The following CRYZ variants were observed in gnomAD, a reference collection of about 807,000 sequenced individuals.
The protein encoded by CRYZ is zeta-crystallin.
A neutral mutation model predicts 34.1 loss-of-function variants in CRYZ; 35 were observed. The observed-to-expected ratio is 1.03, with a 90% CI of 0.78 to 1.36. The LOEUF (loss-of-function observed/expected upper bound fraction) is 1.36, where lower values mean the gene tolerates loss of function less well. Ranked by LOEUF, CRYZ falls within the 40% of genes most tolerant of loss-of-function variation. The probability of loss-of-function intolerance (pLI) is 0.00; values close to 1 mark genes in which losing one functional copy is unlikely to be tolerated. For missense variants in CRYZ, 403 were observed against 391.8 expected, an observed-to-expected ratio of 1.03 and a Z score of -0.24; for synonymous variants, 137 against 136.5, an observed-to-expected ratio of 1.00 and a Z score of -0.03.
At chr1:74,730,264 T>C (rs1429731933) in intron 1 of CRYZ, 2 of 152,208 alleles carry the variant, frequency 1.3e-5, no homozygotes, top group African/African-American at 4.8e-5. Context: ...TTGAAAGTGA[T>C]GGGGCATGGC....
chr1:74,717,729 G>T (rs1647096947), intron 4 of CRYZ, among the ~76,000 whole-genome samples: 1 of 152,116 alleles, frequency 6.6e-6, no homozygotes, highest in African/African-American at 2.4e-5. Flanking sequence ...ATTGACCCAG[G>T]CTGTTCTGTC....
At chr1:74,724,563 T>C in intron 2 of CRYZ, 148 bp downstream of exon 2, 1 of 516,504 alleles carries the variant, frequency 1.9e-6, no homozygotes, top group Non-Finnish European at 3.4e-6. Context: ...ATGTTAACTT[T>C]ATCAATGTCC....
intron 1 of CRYZ, among the ~76,000 whole-genome samples, chr1:74,730,087 A>G (rs924916792): frequency 2.6e-5 from 4 of 152,162 alleles, no homozygotes; most frequent in Non-Finnish European, 5.9e-5. Flanking sequence ...AACTGTTGTA[A>G]TAATAAAAGT....
At chr1:74,730,937 G>T (rs1171990100) in intron 1 of CRYZ, among the ~76,000 whole-genome samples, 1 of 152,146 alleles carries the variant, frequency 6.6e-6, no homozygotes, top group African/African-American at 2.4e-5. Context: ...GTCAGGGAAT[G>T]CAGCAGAAAT....
chr1:74,707,014 T>C lies in CRYZ; in HGVS notation c.733-20A>G. On this transcript the variant is annotated intron_variant, in intron 7 of 8. Coordinates refer to ENST00000340866, the MANE Select transcript of CRYZ (RefSeq NM_001889.4). The stretch of plus-strand genomic sequence containing the variant: ...AACAACCTAACATGAAAAACAGCAA[T>C]TCTACAGTTAAAGATTACTGTAAAA... The C allele has an allele frequency of 2.5e-6, 4 of 1,605,668 alleles. No homozygotes were observed. Among genetic ancestry groups the C allele is most frequent in the Non-Finnish European group, 3.4e-6 (4 of 1,173,706 alleles).
chr1:74,706,903 G>C lies in CRYZ; in HGVS notation c.824C>G (p.Thr275Ser). The C allele has an allele frequency of 6.2e-7, 1 of 1,610,702 alleles. No homozygotes were observed. Among genetic ancestry groups the C allele is most frequent in the Non-Finnish European group, 8.5e-7 (1 of 1,177,598 alleles). Residue 275 changes from threonine (T) to serine (S), a missense_variant, in exon 8 of 9, where the codon ACC becomes AGC. By Grantham distance (58) the Thr-to-Ser change is moderately conservative (BLOSUM62 1). Transcript: ENST00000340866. ...SIIGVTLFSSTKEEFQQYAAA... is the reference protein window; with the variant it reads ...SIIGVTLFSSSKEEFQQYAAA... The stretch of plus-strand genomic sequence containing the variant: ...CAGAAGTACTTCTTTTCCTACCTTG[G>C]TTGAGGAAAAGAGAGTAACTCCAAT...
rs746997974 is a variant in CRYZ at position 74,707,183 on chromosome 1, T to C, written c.652A>G (p.Ile218Val). Reference sequence around the variant, plus strand: ...GCTAACATTTCAATAATTATATCAATTCCTTTCTCACCAACATACTTCTAT... The same window carrying C: ...GCTAACATTTCAATAATTATATCAACTCCTTTCTCACCAACATACTTCTAT... ...KIKKYVGEKG[I>V]DIIIEMLANV... Residue 218 changes from isoleucine to valine, a missense_variant, in exon 7 of 9, where the codon ATT (isoleucine) becomes GTT (valine). Ile to Val is a conservative substitution (Grantham distance 29, BLOSUM62 3). Coordinates refer to ENST00000340866, the MANE Select transcript of CRYZ (RefSeq NM_001889.4). 6.4e-7 allele frequency: 1 copy of C among 1,561,686 alleles called. No individual in the cohort carries two copies. The highest frequency in any genetic ancestry group is 8.7e-7 in the Non-Finnish European group (1 of 1,144,298).
In CRYZ at chr1:74,708,985, G is replaced by T. The variant is rs559888903; in HGVS notation, c.630+1113C>A. Among the ~76,000 whole-genome samples, 8 of 152,156 alleles carry T rather than the reference G, an allele frequency of 5.3e-5. No individual in the cohort carries two copies. The South Asian group carries it at 1.7e-3, about 32-fold the overall frequency. On this transcript the variant is annotated intron_variant, in intron 6 of 8. Transcript: ENST00000340866. ...TGAAAAATCAAACAAGATGAAGACT[G>T]AAAGAAGACCAGCAGACTGTTAATT...
chr1:74,706,457 C>T lies in CRYZ; in HGVS notation c.829G>A (p.Glu277Lys). Residue 277 changes from glutamate (E) to lysine (K), a missense_variant and splice_region_variant, in exon 9 of 9, where the codon GAG (glutamate) becomes AAG (lysine). Glu to Lys is a moderately conservative substitution (Grantham distance 56). Transcript: ENST00000340866. ...GCTGCTGCATATTGCTGAAATTCCT[C>T]CTAAGAAAAGGAAAAACAAATTTCT... ...IGVTLFSSTK[E>K]EFQQYAAALQ... 1 of 1,587,508 alleles carries T rather than the reference C, an allele frequency of 6.3e-7. No individual in the cohort carries two copies. Among genetic ancestry groups the T allele is most frequent in the Non-Finnish European group, 8.5e-7 (1 of 1,172,440 alleles).
At position 74,722,645 on chromosome 1, in the gene CRYZ, C is replaced by T. The variant is rs377227986; in HGVS notation, c.264+473G>A. The stretch of plus-strand genomic sequence containing the variant: ...GTATATATATATATCCTGAGCATAA[C>T]ATTTTCACTGAGTCAGGGCTCCAAA... On this transcript the variant is annotated intron_variant, in intron 3 of 8. Transcript: ENST00000340866. Among the ~76,000 whole-genome samples the T allele has an allele frequency of 7.1e-4, 107 of 151,754 alleles. 3 individuals are homozygous for T. The South Asian group carries it at 0.021, about 29-fold the overall frequency.
Position 74,721,661 on chromosome 1 carries a change from G to C in CRYZ, c.264+1457C>G, listed in dbSNP as rs549729424. ...TGGCAGTGGAAATGGAAAGGAGAGAGAAAACAGTTCTAGTAAGGGAAAGCG... is the reference window on the plus strand; with the variant it reads ...TGGCAGTGGAAATGGAAAGGAGAGACAAAACAGTTCTAGTAAGGGAAAGCG... On this transcript the variant is annotated intron_variant, in intron 3 of 8. Transcript: ENST00000340866. 2.9e-4 allele frequency among the ~76,000 whole-genome samples: 44 copies of C among 152,286 alleles called. No homozygotes were observed. The South Asian group carries it at 4.6e-3, about 16-fold the overall frequency.
chr1:74,707,252 G>A (rs1284831817), intron 6 of CRYZ, 48 bp from the exon 7 acceptor site: 7 of 971,044 alleles, frequency 7.2e-6, no homozygotes, highest in South Asian at 7.1e-5. Flanking sequence ...GTGAAAAACT[G>A]TAAAATAGCT....
intron 3 of CRYZ, among the ~76,000 whole-genome samples, chr1:74,722,657 G>A (rs2100721685): frequency 6.6e-6 from 1 of 151,988 alleles, no homozygotes; most frequent in South Asian, 2.1e-4. Flanking sequence ...TTTTCACTGA[G>A]TCAGGGCTCC....
intron 5 of CRYZ, among the ~76,000 whole-genome samples, chr1:74,713,201 C>A (rs72968194): frequency 0.031 from 4,700 of 151,852 alleles, 224 homozygotes; most frequent in African/African-American, 0.1. Flanking sequence ...TGGATTTTAC[C>A]TTAAAAAAAA....
chr1:74,720,029 T>C (rs886097204), intron 3 of CRYZ, among the ~76,000 whole-genome samples: 12 of 152,042 alleles, frequency 7.9e-5, no homozygotes, highest in African/African-American at 2.7e-4. Flanking sequence ...GGTGGGCATG[T>C]ATTATCTCTA....
chr1:74,714,693 T>C, intron 4 of CRYZ, 63 bp from the exon 5 acceptor site: 1 of 1,569,116 alleles, frequency 6.4e-7, no homozygotes, highest in Non-Finnish European at 8.8e-7. Flanking sequence ...TCGGGTGTTT[T>C]CATCATCTTA....
intron 1 of CRYZ, among the ~76,000 whole-genome samples, chr1:74,731,145 T>C (rs1012013118): frequency 6.6e-6 from 1 of 152,194 alleles, no homozygotes; most frequent in Admixed American, 6.5e-5. Context: ...TAATTTTACC[T>C]CTGAAAGGTT....
chr1:74,723,908 T>C (rs2100724515), intron 2 of CRYZ, among the ~76,000 whole-genome samples: 1 of 152,300 alleles, frequency 6.6e-6, no homozygotes, highest in East Asian at 1.9e-4. Flanking sequence ...TGGGAGCTAA[T>C]TTTACCTTAA....
intron 1 of CRYZ, among the ~76,000 whole-genome samples, chr1:74,727,539 G>A (rs566114036): frequency 4.1e-5 from 6 of 146,270 alleles, no homozygotes; most frequent in Admixed American, 2.1e-4. Context: ...GGCTGAGGCA[G>A]GAGAATGGCG....
Sources: gnomAD v4.1 joint callset for allele counts (sites outside exome capture counted in the v4.1 genomes callset) on GRCh38, gnomAD v4.1.1 for gene constraint, MANE v1.5 for transcripts, NCBI Gene and HGNC (gene_info 2026-07-23, HGNC 2026-07-21) for gene names.